The following MAP3K4 variants were observed in gnomAD, a reference collection of about 807,000 sequenced individuals.
The protein encoded by MAP3K4 is mitogen-activated protein kinase kinase kinase 4.
A neutral mutation model predicts 185.6 loss-of-function variants in MAP3K4; 67 were observed. The observed-to-expected ratio is 0.36, with a 90% CI of 0.30 to 0.44. The LOEUF is 0.44. Among genes scored for constraint, MAP3K4 ranks in the 20% least tolerant of loss-of-function variants. The pLI is 1.00. For synonymous variants in MAP3K4, 702 were observed against 710.4 expected, an observed-to-expected ratio of 0.99 and a Z score of 0.19; for missense variants, 1,551 against 1,995.1, an observed-to-expected ratio of 0.78 and a Z score of 4.24.
chr6:161,092,584 A>G (rs1314745805), intron 13 of MAP3K4, among the ~76,000 whole-genome samples: 1 of 152,160 alleles, frequency 6.6e-6, no homozygotes, highest in Non-Finnish European at 1.5e-5. Context: ...TAATGGAGGG[A>G]TAGCATGGGG....
At position 161,064,056 on chromosome 6, in the gene MAP3K4, C is replaced by T. The variant is rs564846509; in HGVS notation, c.1708-6552C>T. 1.3e-4 allele frequency among the ~76,000 whole-genome samples: 20 copies of T among 152,110 alleles called. No homozygotes were observed. Among genetic ancestry groups the T allele is most frequent in the African/African-American group, 3.9e-4 (16 of 41,472 alleles). ...TCATTGCTCCATTTTTATGAGAGGG[C>T]GTTGAAGGGAAATTGAAACCCTGTT... On this transcript the variant is annotated intron_variant, in intron 3 of 26. Transcript: ENST00000392142. The surrounding 1 kb of genome is among the most constrained non-coding windows in gnomAD (Gnocchi z 4.3).
chr6:161,049,944 C>T lies in MAP3K4; in HGVS notation c.1672C>T (p.Arg558Cys). ...AATGGATGGTTCCTTGCAAAGGGCACGTATAGCATTGGTAAAGAACGATCG... is the reference window on the plus strand; with the variant it reads ...AATGGATGGTTCCTTGCAAAGGGCATGTATAGCATTGGTAAAGAACGATCG... ...KLMDGSLQRA[R>C]IALVKNDRPV... The change falls in exon 3 of 27, where the codon CGT becomes TGT. Residue 558 changes from arginine (R) to cysteine (C), a missense_variant. Arg to Cys is a radical substitution (Grantham distance 180). Around this residue, in one of 16 missense-constraint regions of MAP3K4, gnomAD observed 86 missense variants for 81.6 expected, o/e 1.05. Transcript: ENST00000392142. The surrounding 1 kb of genome is among the most constrained non-coding windows in gnomAD (Gnocchi z 8.4). 14 of 1,612,908 alleles carry T rather than the reference C, an allele frequency of 8.7e-6. No individual in the cohort carries two copies. The highest frequency in any genetic ancestry group is 4.5e-5 in the East Asian group (2 of 44,878).
intron 1 of MAP3K4, among the ~76,000 whole-genome samples, chr6:161,002,429 C>T (rs1781364841): frequency 1.3e-5 from 2 of 151,980 alleles, no homozygotes; most frequent in African/African-American, 2.4e-5. Context: ...TAGCTACTGC[C>T]TGAGAAAAGT....
chr6:161,117,145 C>T lies in MAP3K4; in HGVS notation c.*275C>T, dbSNP rs531809679. The T allele has an allele frequency of 4.6e-5, 20 of 430,206 alleles. No homozygotes were observed. Among genetic ancestry groups the T allele is most frequent in the Middle Eastern group, 5.5e-4 (1 of 1,822 alleles). The allele number at this position is 430,206 out of a possible 1,614,324, so 26.6% of individuals were successfully genotyped here. The stretch of plus-strand genomic sequence containing the variant: ...GCCTCTGTCTCCTCCGTGTCTCGCG[C>T]GACTGAGAACCGTGACATCAGCGTA... On this transcript the variant is annotated 3_prime_UTR_variant, in exon 27 of 27. Coordinates refer to ENST00000392142, the MANE Select transcript of MAP3K4 (RefSeq NM_005922.4).
At chr6:161,006,955 A>G (rs1781615147) in intron 1 of MAP3K4, among the ~76,000 whole-genome samples, 1 of 152,228 alleles carries the variant, frequency 6.6e-6, no homozygotes, top group Non-Finnish European at 1.5e-5. Context: ...CAGAAAAAAT[A>G]TCCCTATTAT....
At chr6:161,036,747 G>A (rs1226004357) in intron 2 of MAP3K4, among the ~76,000 whole-genome samples, 1 of 152,158 alleles carries the variant, frequency 6.6e-6, no homozygotes, top group African/African-American at 2.4e-5. Context: ...CCAGTGAGGT[G>A]TTGGTCTTAT....
rs141343953 is a variant in MAP3K4 at position 161,047,806 on chromosome 6, A to G, written c.344-810A>G. Among the ~76,000 whole-genome samples, 3 of 152,366 alleles carry G rather than the reference A, an allele frequency of 2.0e-5. No individual in the cohort carries two copies. In the East Asian group the frequency reaches 5.8e-4, roughly 29 times the overall value. On this transcript the variant is annotated intron_variant, in intron 2 of 26. Transcript: ENST00000392142. ...ATTAATAGTGTTAAAAGTGCCATACAGGATGTATGTGTGTTCATTTTAAAG... is the reference window on the plus strand; with the variant it reads ...ATTAATAGTGTTAAAAGTGCCATACGGGATGTATGTGTGTTCATTTTAAAG...
Position 161,114,389 on chromosome 6 carries a change from A to G in MAP3K4, c.4627-734A>G, listed in dbSNP as rs1256964707. ...TAAAAGTTAGTGTTAAGTTACTAGT[A>G]GGAAATCAGTTAATTATAATGTAGC... On this transcript the variant is annotated intron_variant, in intron 25 of 26. Transcript: ENST00000392142. This position sits in a 1 kb window ranked among gnomAD's most constrained non-coding sequence, Gnocchi z 4.3. Among the ~76,000 whole-genome samples the G allele has an allele frequency of 6.6e-6, 1 of 152,236 alleles. No individual in the cohort carries two copies. Among genetic ancestry groups the G allele is most frequent in the Non-Finnish European group, 1.5e-5 (1 of 68,036 alleles).
Position 161,109,814 on chromosome 6 carries a change from G to T in MAP3K4, c.4296G>T (p.Arg1432Ser), listed in dbSNP as rs751994529. Residue 1432 changes from arginine to serine, a missense_variant, in exon 23 of 27, where the codon AGG becomes AGT. Coordinates refer to ENST00000392142, the MANE Select transcript of MAP3K4 (RefSeq NM_005922.4). The surrounding 1 kb of genome is among the most constrained non-coding windows in gnomAD (Gnocchi z 5.7). ...AGGGGACTTTAGAAGAGGTGTCAAG[G>T]CTGGGACTTCAGGAACATGTGATTA... The part of the protein sequence containing the change: ...CDEGTLEEVS[R>S]LGLQEHVIRL... 1 of 1,614,158 alleles carries T rather than the reference G, an allele frequency of 6.2e-7. No individual in the cohort carries two copies. Among genetic ancestry groups the T allele is most frequent in the Admixed American group, 1.7e-5 (1 of 60,026 alleles).
At chr6:161,083,043 C>T (rs1785532747) in intron 6 of MAP3K4, among the ~76,000 whole-genome samples, 1 of 152,184 alleles carries the variant, frequency 6.6e-6, no homozygotes, top group Non-Finnish European at 1.5e-5. Flanking sequence ...GTGCTCGCTT[C>T]CCAGCCACAG....
Position 161,091,502 on chromosome 6 carries a change from C to T in MAP3K4, c.3097C>T (p.Arg1033Ter), listed in dbSNP as rs1414399977. 4 of 1,613,274 alleles carry T rather than the reference C, an allele frequency of 2.5e-6. No individual in the cohort carries two copies. Among genetic ancestry groups the T allele is most frequent in the African/African-American group, 1.3e-5 (1 of 74,780 alleles). ...ATCTGTCACCTTGCAACAGTACTAC[C>T]GAGAAGCAATGATTCAGGGGTACAA... Reference protein sequence around the residue: ...SESVTLQQYYREAMIQGYNFG... With the variant: ...SESVTLQQYY Residue 1033 changes from arginine (R) to a stop codon, truncating the protein, a stop_gained, in exon 12 of 27, where the codon CGA becomes TGA. Transcript: ENST00000392142. LOFTEE classifies it high-confidence loss of function. This position sits in a 1 kb window ranked among gnomAD's most constrained non-coding sequence, Gnocchi z 5.5.
chr6:161,026,634 A>G (rs1583131110), intron 1 of MAP3K4, among the ~76,000 whole-genome samples: 1 of 150,304 alleles, frequency 6.7e-6, no homozygotes, highest in Non-Finnish European at 1.5e-5. Context: ...GTACTCAAGT[A>G]TTTGCAACAA....
chr6:161,112,901 C>G lies in MAP3K4; in HGVS notation c.4626+127C>G. On this transcript the variant is annotated intron_variant, in intron 25 of 26. Transcript: ENST00000392142. This position sits in a 1 kb window ranked among gnomAD's most constrained non-coding sequence, Gnocchi z 5.1. ...ACTAAATAGCGAACGATATTAGATA[C>G]AAAAATCTGATCCATCAAAAGATTA... is the stretch of plus-strand genomic sequence containing the variant. 1 of 502,460 alleles carries G rather than the reference C, an allele frequency of 2.0e-6. No homozygotes were observed. Among genetic ancestry groups the G allele is most frequent in the Non-Finnish European group, 3.3e-6 (1 of 303,478 alleles). The allele number at this position is 502,460 out of a possible 1,614,324, so 31.1% of individuals were successfully genotyped here. A position where few individuals can be genotyped will look rare whatever the true frequency, so the allele number is the denominator to read the frequency against.
Position 161,114,125 on chromosome 6 carries a change from T to G in MAP3K4, c.4627-998T>G, listed in dbSNP as rs1327030497. Among the ~76,000 whole-genome samples the G allele has an allele frequency of 6.6e-6, 1 of 152,150 alleles. No individual in the cohort carries two copies. The highest frequency in any genetic ancestry group is 1.5e-5 in the Non-Finnish European group (1 of 68,024). On this transcript the variant is annotated intron_variant, in intron 25 of 26. Coordinates refer to ENST00000392142, the MANE Select transcript of MAP3K4 (RefSeq NM_005922.4). This position sits in a 1 kb window ranked among gnomAD's most constrained non-coding sequence, Gnocchi z 4.3. The stretch of plus-strand genomic sequence containing the variant: ...GAGAGTATATAAAGAAACACACATG[T>G]TTTGGACAGAAATTCCATGTGGTAG...
At chr6:160,992,421 C>T in intron 1 of MAP3K4, 2 of 382,228 alleles carry the variant, frequency 5.2e-6, no homozygotes, top group African/African-American at 2.1e-5. Flanking sequence ...GGAAGAGTGG[C>T]CTCACTGAAG....
At position 161,056,014 on chromosome 6, in the gene MAP3K4, A is replaced by C. The variant is rs1014383872; in HGVS notation, c.1707+6035A>C. ...CCATTTATATCAGTATGGACTCATA[A>C]ATGTTTGCTGTTGTTTTTACTTTGA... is the stretch of plus-strand genomic sequence containing the variant. On this transcript the variant is annotated intron_variant, in intron 3 of 26. Coordinates refer to ENST00000392142, the MANE Select transcript of MAP3K4 (RefSeq NM_005922.4). This position sits in a 1 kb window ranked among gnomAD's most constrained non-coding sequence, Gnocchi z 5.4. Among the ~76,000 whole-genome samples the C allele has an allele frequency of 5.9e-5, 9 of 152,130 alleles. No homozygotes were observed. The highest frequency in any genetic ancestry group is 1.2e-4 in the Non-Finnish European group (8 of 68,024).
Position 161,087,594 on chromosome 6 carries a change from C to G in MAP3K4, c.2557-94C>G. ...TTCATGCCCTTCCCACTTTCCCTTT[C>G]CCAAACCTGCCTCTCCTTTCCTAGG... is the stretch of plus-strand genomic sequence containing the variant. On this transcript the variant is annotated intron_variant, in intron 9 of 26. Coordinates refer to ENST00000392142, the MANE Select transcript of MAP3K4 (RefSeq NM_005922.4). This position sits in a 1 kb window ranked among gnomAD's most constrained non-coding sequence, Gnocchi z 4.9. 1.5e-6 allele frequency: 2 copies of G among 1,372,624 alleles called. No individual in the cohort carries two copies. Among genetic ancestry groups the G allele is most frequent in the Non-Finnish European group, 2.0e-6 (2 of 982,144 alleles). 85.0% of individuals were successfully genotyped at this position (1,372,624 alleles called of 1,614,324 possible). A position where few individuals can be genotyped will look rare whatever the true frequency, so the allele number is the denominator to read the frequency against.
chr6:161,013,181 A>C (rs1041537521), intron 1 of MAP3K4, among the ~76,000 whole-genome samples: 3 of 152,124 alleles, frequency 2.0e-5, no homozygotes, highest in Admixed American at 1.3e-4. Context: ...GTTACTAAAA[A>C]CTGTTTGCTA....
In MAP3K4 at chr6:161,077,370, T is replaced by C. The variant is rs2114831351; in HGVS notation, c.2098-3511T>C. On this transcript the variant is annotated intron_variant, in intron 5 of 26. Coordinates refer to ENST00000392142, the MANE Select transcript of MAP3K4 (RefSeq NM_005922.4). This position sits in a 1 kb window ranked among gnomAD's most constrained non-coding sequence, Gnocchi z 4.3. ...AAATATGACAAAATACTAACATTTG[T>C]TTATTCTGGGTGATACTTGTAGAAT... 6.6e-6 allele frequency among the ~76,000 whole-genome samples: 1 copy of C among 152,370 alleles called. No homozygotes were observed. Among genetic ancestry groups the C allele is most frequent in the South Asian group, 2.1e-4 (1 of 4,830 alleles).
Sources: gnomAD v4.1 joint callset for allele counts (sites outside exome capture counted in the v4.1 genomes callset) on GRCh38, gnomAD v4.1.1 for gene constraint, gnomAD v4.1.1 regional missense constraint, Gnocchi (gnomAD v3.1) non-coding constraint, MANE v1.5 for transcripts, NCBI Gene and HGNC (gene_info 2026-07-23, HGNC 2026-07-21) for gene names.